FAM13A: variants seen among roughly 807,000 people sequenced by gnomAD.
FAM13A encodes the protein protein FAM13A.
FAM13A carries 76 observed loss-of-function variants against 129.6 expected under a neutral mutation model. The observed-to-expected ratio is 0.59, with a 90% CI of 0.49 to 0.71. The LOEUF is 0.71. Ranked by LOEUF, FAM13A falls within the 30% of genes least tolerant of loss-of-function variation. The pLI, the probability that FAM13A is intolerant of heterozygous loss-of-function variation, is 0.00. For missense variants in FAM13A, 1,108 were observed against 1,249.3 expected (o/e 0.89, Z 1.70); for synonymous variants, 443 against 449.9 (o/e 0.98, Z 0.20).
intron 1 of FAM13A, among the ~76,000 whole-genome samples, chr4:89,038,880 A>G (rs1769740597): frequency 6.6e-6 from 1 of 152,212 alleles, no homozygotes; most frequent in East Asian, 1.9e-4. Context: ...ATAGTGTCAA[A>G]AAGATTACCT....
intron 6 of FAM13A, 52 bp from the exon 7 acceptor site, chr4:88,851,235 C>A: frequency 6.9e-7 from 1 of 1,440,086 alleles, no homozygotes; most frequent in Non-Finnish European, 9.3e-7. Flanking sequence ...ATGTTAAAGT[C>A]TTTCAAATTA....
At chr4:89,018,866 G>A (rs1242390668) in intron 3 of FAM13A, among the ~76,000 whole-genome samples, 3 of 152,248 alleles carry the variant, frequency 2.0e-5, no homozygotes, top group Non-Finnish European at 2.9e-5. Context: ...GCACAAGAAG[G>A]CAGGGCTCTG....
chr4:88,906,302 A>G, intron 6 of FAM13A, 77 bp downstream of exon 6: 1 of 1,048,290 alleles, frequency 9.5e-7, no homozygotes, highest in Non-Finnish European at 1.4e-6. Context: ...CAAACAAACA[A>G]ACAAACAAAA....
At chr4:88,955,806 G>C (rs772683795) in intron 4 of FAM13A, among the ~76,000 whole-genome samples, 1 of 149,058 alleles carries the variant, frequency 6.7e-6, no homozygotes, top group Non-Finnish European at 1.5e-5. Context: ...CTTTGAACTT[G>C]AGAGAGATGG....
At position 88,726,543 on chromosome 4, in the gene FAM13A, C is replaced by A. The variant is rs2149366005; in HGVS notation, c.*1990G>T. 6.6e-6 allele frequency: 1 copy of A among 152,452 alleles called. No homozygotes were observed. The highest frequency in any genetic ancestry group is 1.9e-4 in the East Asian group (1 of 5,184). 9.4% of individuals were successfully genotyped at this position (152,452 alleles called of 1,614,324 possible). On this transcript the variant is annotated 3_prime_UTR_variant, in exon 24 of 24. Transcript: ENST00000264344. ...TAGCGTATTTTTCCAAAAACATAGT[C>A]TTAAACAAATGTGCTTTAAAAGCTA...
At chr4:89,020,397 G>T in intron 3 of FAM13A, 63 bp downstream of exon 3, 1 of 1,199,986 alleles carries the variant, frequency 8.3e-7, no homozygotes, top group Non-Finnish European at 1.2e-6. Context: ...GATTATAGGT[G>T]TGGGCCACCG....
At chr4:88,917,282 G>A (rs1750270428) in intron 5 of FAM13A, among the ~76,000 whole-genome samples, 1 of 151,786 alleles carries the variant, frequency 6.6e-6, no homozygotes, top group African/African-American at 2.4e-5. Context: ...CAAGGGGGAG[G>A]TGCCAGGCTC....
chr4:88,797,259 T>C (rs1322659858), intron 8 of FAM13A, among the ~76,000 whole-genome samples: 1 of 146,806 alleles, frequency 6.8e-6, no homozygotes, highest in East Asian at 2.0e-4. Flanking sequence ...ATTATTACTC[T>C]GATAGTTTTG....
chr4:88,841,493 C>CA (rs35396785), intron 7 of FAM13A, among the ~76,000 whole-genome samples: 33,785 of 96,436 alleles, frequency 0.35, 5,520 homozygotes, highest in East Asian at 0.44. Flanking sequence ...GACTCTGTCT[C>CA]AAAAAAAAAA....
intron 4 of FAM13A, among the ~76,000 whole-genome samples, chr4:88,959,260 C>T (rs191723712): frequency 1.3e-4 from 20 of 152,100 alleles, no homozygotes; most frequent in Admixed American, 2.0e-4. Context: ...TGGGAGGGGC[C>T]GGGGCAGAAT....
intron 8 of FAM13A, among the ~76,000 whole-genome samples, chr4:88,791,949 G>A (rs79823979): frequency 2.6e-4 from 40 of 151,906 alleles, no homozygotes; most frequent in African/African-American, 9.4e-4. Flanking sequence ...TTACTCTTTC[G>A]CCCAAGATAA....
At chr4:88,737,965 C>T (rs1422883290) in intron 20 of FAM13A, among the ~76,000 whole-genome samples, 1 of 152,212 alleles carries the variant, frequency 6.6e-6, no homozygotes, top group East Asian at 1.9e-4. Flanking sequence ...GTTGCACCTT[C>T]ACCCTACTTA....
intron 7 of FAM13A, among the ~76,000 whole-genome samples, chr4:88,825,873 T>G (rs1361633482): frequency 6.6e-6 from 1 of 152,182 alleles, no homozygotes; most frequent in African/African-American, 2.4e-5. Flanking sequence ...ACTACATGCT[T>G]TTTCCAGTCT....
intron 21 of FAM13A, among the ~76,000 whole-genome samples, chr4:88,732,967 T>C (rs1159436084): frequency 1.3e-5 from 2 of 152,056 alleles, no homozygotes. Flanking sequence ...GAAGAGATAA[T>C]ATCAGAGTGT....
At chr4:88,910,107 A>G (rs76243762) in intron 5 of FAM13A, among the ~76,000 whole-genome samples, 7,461 of 152,292 alleles carry the variant, frequency 0.049, 253 homozygotes, top group Admixed American at 0.074. Flanking sequence ...GAATCTTATT[A>G]CTAGTTGGAA....
intron 1 of FAM13A, among the ~76,000 whole-genome samples, chr4:89,047,296 T>A (rs1028288413): frequency 2.6e-5 from 4 of 152,166 alleles, no homozygotes; most frequent in Non-Finnish European, 5.9e-5. Flanking sequence ...AAATCTTGAA[T>A]AATGCTTATT....
chr4:88,982,870 T>C (rs1761810179), intron 4 of FAM13A, among the ~76,000 whole-genome samples: 1 of 152,184 alleles, frequency 6.6e-6, no homozygotes, highest in African/African-American at 2.4e-5. Flanking sequence ...GTATTCATTA[T>C]CCACCCAATC....
intron 3 of FAM13A, among the ~76,000 whole-genome samples, chr4:88,998,999 G>T (rs1383019900): frequency 6.6e-6 from 1 of 152,144 alleles, no homozygotes; most frequent in Non-Finnish European, 1.5e-5. Flanking sequence ...TCTATTCTTA[G>T]AGGTTATTAG....
intron 11 of FAM13A, among the ~76,000 whole-genome samples, chr4:88,780,854 A>G (rs1283407878): frequency 6.6e-6 from 1 of 152,140 alleles, no homozygotes; most frequent in Non-Finnish European, 1.5e-5. Context: ...ATGGGGAAAA[A>G]GAAGAAAAAA....
Sources: gnomAD v4.1 joint callset for allele counts (sites outside exome capture counted in the v4.1 genomes callset) on GRCh38, gnomAD v4.1.1 for gene constraint, MANE v1.5 for transcripts, NCBI Gene and HGNC (gene_info 2026-07-23, HGNC 2026-07-21) for gene names.